The following RAPGEF4 variants were observed in gnomAD, a reference collection of about 807,000 sequenced individuals.
The protein encoded by RAPGEF4 is Rap guanine nucleotide exchange factor 4, also known as RAP guanine-nucleotide-exchange factor (GEF) 4.
A neutral mutation model predicts 147.9 loss-of-function variants in RAPGEF4; 66 were observed. The observed-to-expected ratio is 0.45, with a 90% CI of 0.37 to 0.55. The LOEUF is 0.55. RAPGEF4 is among the 20% of genes least tolerant of loss of function. The pLI is 0.00. For synonymous variants in RAPGEF4, 419 were observed against 442.7 expected (o/e 0.95, Z 0.67); for missense variants, 1,071 against 1,257.3 (o/e 0.85, Z 2.24).
chr2:172,869,431 A>G (rs923205980), intron 4 of RAPGEF4, among the ~76,000 whole-genome samples: 1 of 152,228 alleles, frequency 6.6e-6, no homozygotes, highest in African/African-American at 2.4e-5. Flanking sequence ...GGGTAATTTT[A>G]TGCTGTATAT....
At chr2:173,037,705 G>T (rs888854863) in intron 29 of RAPGEF4, among the ~76,000 whole-genome samples, 1 of 152,050 alleles carries the variant, frequency 6.6e-6, no homozygotes, top group Non-Finnish European at 1.5e-5. Context: ...TGAATGTGGC[G>T]CCGTGAGAAA....
At chr2:172,813,963 C>T (rs539660504) in intron 3 of RAPGEF4, among the ~76,000 whole-genome samples, 1 of 152,192 alleles carries the variant, frequency 6.6e-6, no homozygotes, top group Non-Finnish European at 1.5e-5. Context: ...AAGCTAGGCA[C>T]AAACCGGAGA....
chr2:173,017,256 C>G, intron 20 of RAPGEF4, 52 bp downstream of exon 20: 1 of 1,567,650 alleles, frequency 6.4e-7, no homozygotes, highest in Non-Finnish European at 8.8e-7. Flanking sequence ...AATTACAATT[C>G]CCCAGAAATA....
rs1362016130 is a variant in RAPGEF4 at position 172,805,033 on chromosome 2, GC to G, written c.297+7423del. Among the ~76,000 whole-genome samples, 4 of 152,314 alleles carry G rather than the reference GC, an allele frequency of 2.6e-5. No individual in the cohort carries two copies. In the East Asian group the frequency reaches 7.7e-4, roughly 29 times the overall value. ...GCCTTACCCCATGGGTCTTCTCTGG[GC>G]CCAGGAAGCATCAGATAGTGGCATG... On this transcript the variant is annotated intron_variant, in intron 3 of 30. Transcript: ENST00000397081.
intron 6 of RAPGEF4, among the ~76,000 whole-genome samples, chr2:172,934,147 CTTTTTTTTT>C (rs5836396): frequency 1.0e-5 from 1 of 99,134 alleles, no homozygotes. Flanking sequence ...TTATTTAATC[CTTTTTTTTT>C]TTTTTTTTTT....
intron 27 of RAPGEF4, among the ~76,000 whole-genome samples, chr2:173,034,873 AAC>A (rs34646146): frequency 0.69 from 96,980 of 140,778 alleles, 36,584 homozygotes; most frequent in Non-Finnish European, 0.85. Context: ...ACCCCGTCTC[AAC>A]ACACACACAC....
intron 15 of RAPGEF4, among the ~76,000 whole-genome samples, chr2:172,991,416 T>C (rs189491719): frequency 2.0e-5 from 3 of 152,354 alleles, no homozygotes; most frequent in African/African-American, 4.8e-5. Context: ...AAGCATCCAT[T>C]TGGCCTCATT....
chr2:172,801,179 A>C (rs16860884), intron 3 of RAPGEF4, among the ~76,000 whole-genome samples: 3,644 of 152,246 alleles, frequency 0.024, 132 homozygotes, highest in African/African-American at 0.082. Context: ...CTGAGATTTG[A>C]ATTCAGGTCT....
At position 172,754,246 on chromosome 2, in the gene RAPGEF4, C is replaced by T. The variant is rs374567963; in HGVS notation, c.65+18198C>T. Among the ~76,000 whole-genome samples the T allele has an allele frequency of 5.9e-5, 9 of 152,184 alleles. 1 individual carries two copies. The South Asian group carries it at 6.2e-4, about 11-fold the overall frequency. On this transcript the variant is annotated intron_variant, in intron 1 of 30. Coordinates refer to ENST00000397081, the MANE Select transcript of RAPGEF4 (RefSeq NM_007023.4). Reference sequence around the variant, plus strand: ...TGAACTTTATAGGATGATCATTTCCCAGGTTATTAACAGTTCTTTATAAAT... The same window carrying T: ...TGAACTTTATAGGATGATCATTTCCTAGGTTATTAACAGTTCTTTATAAAT...
chr2:172,739,929 A>G (rs1559015734), intron 1 of RAPGEF4, among the ~76,000 whole-genome samples: 1 of 152,372 alleles, frequency 6.6e-6, no homozygotes, highest in African/African-American at 2.4e-5. Context: ...TGGTTTTCAC[A>G]TTCCTGAATG....
rs1242173326 is a variant in RAPGEF4 at position 173,017,429 on chromosome 2, A to G, written c.1933A>G (p.Lys645Glu). ...CTTGCTGTGGTTGTTTTTACAGCAC[A>G]AGGTTCTTTTGCAACAGTTCAATAC... ...EDAKAPQKKHKVLLQQFNTGD... is the reference protein window; with the variant it reads ...EDAKAPQKKHEVLLQQFNTGD... The change falls in exon 21 of 31, where the codon AAG becomes GAG. Residue 645 changes from lysine to glutamate, a missense_variant. By Grantham distance (56) the Lys-to-Glu change is moderately conservative (BLOSUM62 1). Coordinates refer to ENST00000397081, the MANE Select transcript of RAPGEF4 (RefSeq NM_007023.4). 33 of 1,614,114 alleles carry G rather than the reference A, an allele frequency of 2.0e-5. No homozygotes were observed. The highest frequency in any genetic ancestry group is 2.6e-5 in the Non-Finnish European group (31 of 1,179,962).
At chr2:172,755,431 G>A (rs781592196) in intron 1 of RAPGEF4, among the ~76,000 whole-genome samples, 1 of 152,284 alleles carries the variant, frequency 6.6e-6, no homozygotes, top group South Asian at 2.1e-4. Context: ...TTGCACTCTT[G>A]TTGCCCAGGC....
At chr2:172,748,230 A>T (rs1359059837) in intron 1 of RAPGEF4, among the ~76,000 whole-genome samples, 2 of 152,194 alleles carry the variant, frequency 1.3e-5, no homozygotes, top group African/African-American at 2.4e-5. Context: ...TTCTAATCTT[A>T]ATTTTGAGGA....
intron 6 of RAPGEF4, 38 bp from the exon 7 acceptor site, chr2:172,960,722 T>C: frequency 6.6e-7 from 1 of 1,505,290 alleles, no homozygotes; most frequent in Non-Finnish European, 9.1e-7. Context: ...GTGAACTTTT[T>C]GTTTAATTTT....
chr2:172,904,748 C>G (rs1048284407), intron 4 of RAPGEF4, among the ~76,000 whole-genome samples: 1 of 151,872 alleles, frequency 6.6e-6, no homozygotes, highest in Non-Finnish European at 1.5e-5. Context: ...CTCTTTCCTC[C>G]CTCTTTTCCC....
intron 4 of RAPGEF4, among the ~76,000 whole-genome samples, chr2:172,823,829 T>C (rs951553060): frequency 7.2e-5 from 11 of 152,350 alleles, no homozygotes; most frequent in African/African-American, 2.6e-4. Flanking sequence ...TTGATGTGGT[T>C]GAATGGTCTG....
intron 4 of RAPGEF4, among the ~76,000 whole-genome samples, chr2:172,821,167 A>G (rs1286694137): frequency 6.6e-6 from 1 of 152,242 alleles, no homozygotes; most frequent in South Asian, 2.1e-4. Flanking sequence ...GGTAAATTGT[A>G]TGGCTTTATC....
chr2:173,015,478 A>G (rs1046876393), intron 18 of RAPGEF4, among the ~76,000 whole-genome samples: 3 of 152,208 alleles, frequency 2.0e-5, no homozygotes, highest in African/African-American at 7.2e-5. Flanking sequence ...TCTCCTTTCT[A>G]TTCATATCAT....
At chr2:172,917,758 G>A (rs1340571869) in intron 4 of RAPGEF4, 44 bp from the exon 5 acceptor site, 1 of 1,508,656 alleles carries the variant, frequency 6.6e-7, no homozygotes, top group South Asian at 1.1e-5. Context: ...AATGCTCAAA[G>A]CAAGTAAATA....
Sources: gnomAD v4.1 joint callset for allele counts (sites outside exome capture counted in the v4.1 genomes callset) on GRCh38, gnomAD v4.1.1 for gene constraint, MANE v1.5 for transcripts, NCBI Gene and HGNC (gene_info 2026-07-23, HGNC 2026-07-21) for gene names.